The following HMGA2 variants were observed in gnomAD, a reference collection of about 807,000 sequenced individuals.
HMGA2 encodes the protein high mobility group protein HMGI-C.
HMGA2 carries 8 observed loss-of-function variants against 19.1 expected under a neutral mutation model. The ratio of observed to expected loss-of-function variants is 0.42; its 90% CI spans 0.25 to 0.76. The LOEUF (loss-of-function observed/expected upper bound fraction) is 0.76. Ranked by LOEUF, HMGA2 falls within the 30% of genes least tolerant of loss-of-function variation. HMGA2 has a pLI of 0.28. For missense variants in HMGA2, 109 were observed against 136.3 expected, an observed-to-expected ratio of 0.80 and a Z score of 1.00; for synonymous variants, 60 against 48.8, an observed-to-expected ratio of 1.23 and a Z score of -0.96.
intron 3 of HMGA2, among the ~76,000 whole-genome samples, chr12:65,861,499 A>C (rs1350536740): frequency 6.6e-6 from 1 of 152,186 alleles, no homozygotes; most frequent in Non-Finnish European, 1.5e-5. Context: ...TTTTTTAATC[A>C]TCATTTTATA....
intron 3 of HMGA2, among the ~76,000 whole-genome samples, chr12:65,927,959 ATATAT>A: frequency 6.7e-6 from 1 of 148,578 alleles, no homozygotes; most frequent in East Asian, 2.0e-4. Flanking sequence ...GTATATATAT[ATATAT>A]ATGTATGTAT....
chr12:65,952,459 A>C (rs1344055339), intron 4 of HMGA2: 2 of 1,531,976 alleles, frequency 1.3e-6, no homozygotes, highest in African/African-American at 2.7e-5. Flanking sequence ...AAACACATGA[A>C]AGGATCCAAG....
At chr12:65,955,984 CG>C (rs1876593860) in intron 4 of HMGA2, 1 of 152,152 alleles carries the variant, frequency 6.6e-6, no homozygotes, top group South Asian at 2.1e-4. Flanking sequence ...GTCAGCATCT[CG>C]TTCTCAAAGA....
At chr12:65,912,380 G>A (rs1874883474) in intron 3 of HMGA2, among the ~76,000 whole-genome samples, 2 of 152,202 alleles carry the variant, frequency 1.3e-5, no homozygotes, top group East Asian at 1.9e-4. Flanking sequence ...GAATGAATAT[G>A]CAAATGAAAG....
intron 3 of HMGA2, among the ~76,000 whole-genome samples, chr12:65,889,957 C>G (rs1356102352): frequency 6.6e-6 from 1 of 152,184 alleles, no homozygotes; most frequent in East Asian, 1.9e-4. Context: ...TCCCTAAAGA[C>G]AGTCCAGCCA....
Position 65,965,315 on chromosome 12 carries a change from T to G in HMGA2, c.*2023T>G, listed in dbSNP as rs1283312607. 1 of 204,298 alleles carries G rather than the reference T, an allele frequency of 4.9e-6. No homozygotes were observed. The highest frequency in any genetic ancestry group is 1.0e-5 in the Non-Finnish European group (1 of 99,346). The allele number at this position is 204,298 out of a possible 1,614,324, so 12.7% of individuals were successfully genotyped here. ...ATTTTTGTAATATGTCTCAACCAGA[T>G]TTATTTTAAACGCTTCTTATGTAGA... On this transcript the variant is annotated 3_prime_UTR_variant, in exon 5 of 5. Coordinates refer to ENST00000403681, the MANE Select transcript of HMGA2 (RefSeq NM_003483.6).
intron 3 of HMGA2, among the ~76,000 whole-genome samples, chr12:65,888,554 C>CT (rs1180942808): frequency 0.23 from 9,291 of 40,556 alleles, 3,879 homozygotes; most frequent in South Asian, 0.34. Context: ...GTGGTGTGCT[C>CT]TTTTTTTTTT....
At position 65,964,107 on chromosome 12, in the gene HMGA2, T is replaced by A. The variant is rs17847168; in HGVS notation, c.*815T>A. On this transcript the variant is annotated 3_prime_UTR_variant, in exon 5 of 5. Coordinates refer to ENST00000403681, the MANE Select transcript of HMGA2 (RefSeq NM_003483.6). ...CTTCCTACAGAGCCAAAATGCCATT[T>A]AGCAATAAATAACACTTGTCAGCCT... 5 of 203,812 alleles carry A rather than the reference T, an allele frequency of 2.5e-5. No individual in the cohort carries two copies. The East Asian group carries it at 3.8e-4, about 16-fold the overall frequency. 12.6% of individuals were successfully genotyped at this position (203,812 alleles called of 1,614,324 possible).
At chr12:65,894,222 T>C (rs894452901) in intron 3 of HMGA2, among the ~76,000 whole-genome samples, 9 of 152,238 alleles carry the variant, frequency 5.9e-5, no homozygotes, top group Non-Finnish European at 1.3e-4. Flanking sequence ...TTTAAAACTC[T>C]ACCATCTGCT....
intron 3 of HMGA2, among the ~76,000 whole-genome samples, chr12:65,868,691 A>T (rs1458128623): frequency 6.6e-6 from 1 of 152,214 alleles, no homozygotes; most frequent in Non-Finnish European, 1.5e-5. Context: ...TGGAATCATG[A>T]CATAGCAGAA....
chr12:65,920,374 A>G (rs1192356671), intron 3 of HMGA2, among the ~76,000 whole-genome samples: 2 of 152,206 alleles, frequency 1.3e-5, no homozygotes, highest in Non-Finnish European at 2.9e-5. Flanking sequence ...CTACTAAAAT[A>G]TAATAGAAAA....
chr12:65,841,193 G>A (rs1870981047), intron 3 of HMGA2, among the ~76,000 whole-genome samples: 1 of 152,082 alleles, frequency 6.6e-6, no homozygotes, highest in African/African-American at 2.4e-5. Context: ...ATTTAGGGGG[G>A]ATCTGGATTT....
At chr12:65,940,689 G>C (rs1427141735) in intron 3 of HMGA2, among the ~76,000 whole-genome samples, 2 of 152,178 alleles carry the variant, frequency 1.3e-5, no homozygotes, top group African/African-American at 4.8e-5. Context: ...GTAGAATAGT[G>C]AGAAGGGAAA....
At chr12:65,950,234 G>A (rs557448754) in intron 3 of HMGA2, among the ~76,000 whole-genome samples, 8 of 152,240 alleles carry the variant, frequency 5.3e-5, no homozygotes, top group East Asian at 1.9e-4. Flanking sequence ...AAACATGTTC[G>A]CACGAAAACG....
chr12:65,961,759 ATG>A (rs1057233417), intron 4 of HMGA2, among the ~76,000 whole-genome samples: 204 of 145,456 alleles, frequency 1.4e-3, no homozygotes, highest in African/African-American at 5.1e-3. Flanking sequence ...GTGTGTGTGT[ATG>A]TGTGTGTGTG....
At chr12:65,877,541 A>G (rs1764681543) in intron 3 of HMGA2, among the ~76,000 whole-genome samples, 1 of 152,144 alleles carries the variant, frequency 6.6e-6, no homozygotes, top group Non-Finnish European at 1.5e-5. Context: ...GGTCTCTCCA[A>G]AGTTCATCCC....
At chr12:65,949,816 T>G (rs1452585113) in intron 3 of HMGA2, among the ~76,000 whole-genome samples, 1 of 152,234 alleles carries the variant, frequency 6.6e-6, no homozygotes, top group East Asian at 1.9e-4. Flanking sequence ...CATAAGGGAC[T>G]TGAATGCAAA....
At chr12:65,842,744 C>T in intron 3 of HMGA2, 1 of 1,419,366 alleles carries the variant, frequency 7.0e-7, no homozygotes, top group Non-Finnish European at 9.2e-7. Flanking sequence ...TATAGAATTC[C>T]ATTAGCCAGT....
At position 65,936,665 on chromosome 12, in the gene HMGA2, C is replaced by T. The variant is rs1018256115; in HGVS notation, c.250-14718C>T. 1.1e-4 allele frequency among the ~76,000 whole-genome samples: 16 copies of T among 152,236 alleles called. No homozygotes were observed. In the East Asian group the frequency reaches 2.3e-3, roughly 22 times the overall value. On this transcript the variant is annotated intron_variant, in intron 3 of 4. Transcript: ENST00000403681. ...CTACGGTGACTACTACTGCCATCAC[C>T]GCCACCCTCCCTAGTGCTATTGAAT...
Sources: allele counts gnomAD v4.1 joint callset (sites outside exome capture counted in the v4.1 genomes callset), GRCh38; gene constraint gnomAD v4.1.1; transcripts MANE v1.5; gene names NCBI Gene and HGNC (gene_info 2026-07-23, HGNC 2026-07-21).